PCDHGA6: variants seen among roughly 807,000 people sequenced by gnomAD.
PCDHGA6 encodes protocadherin gamma subfamily A, 6.
In PCDHGA6, 41 loss-of-function variants were observed where a neutral mutation model predicts 60.6. That is an observed-to-expected ratio of 0.68 (90% CI 0.53 to 0.88). PCDHGA6 has a LOEUF of 0.88. Ranked by LOEUF, PCDHGA6 falls within the 40% of genes least tolerant of loss-of-function variation. The pLI is 0.00. For synonymous variants in PCDHGA6, 594 were observed against 524.4 expected (o/e 1.13, Z -1.81); for missense variants, 1,312 against 1,203.0 (o/e 1.09, Z -1.34).
At chr5:141,446,132 TA>T (rs1252851903) in intron 1 of PCDHGA6, among the ~76,000 whole-genome samples, 1 of 152,204 alleles carries the variant, frequency 6.6e-6, no homozygotes, top group African/African-American at 2.4e-5. Context: ...CAATAAGACT[TA>T]ATAATGGAAT....
At chr5:141,501,366 T>G (rs1297210978) in intron 2 of PCDHGA6, among the ~76,000 whole-genome samples, 1 of 150,672 alleles carries the variant, frequency 6.6e-6, no homozygotes, top group Non-Finnish European at 1.5e-5. Flanking sequence ...ACCATATTCA[T>G]CATCTCTTAA....
At position 141,393,382 on chromosome 5, in the gene PCDHGA6, T is replaced by G. The variant is rs778957877; in HGVS notation, c.2424+16875T>G. ...GTGCAGACTGGAGACAATGGAGCCA[T>G]AAACCCAGAGCTGGTGCTGGAGCGC... On this transcript the variant is annotated intron_variant, in intron 1 of 3. Coordinates refer to ENST00000517434, the MANE Select transcript of PCDHGA6 (RefSeq NM_018919.3). The G allele has an allele frequency of 1.9e-6, 3 of 1,613,948 alleles. No individual in the cohort carries two copies. In the South Asian group the frequency reaches 3.3e-5, roughly 18 times the overall value.
intron 1 of PCDHGA6, chr5:141,378,618 ATGAC>A (rs1399279904): frequency 2.6e-5 from 4 of 152,254 alleles, no homozygotes; most frequent in African/African-American, 7.2e-5. Context: ...CTAAAAATAG[ATGAC>A]TGACTGGTGA....
chr5:141,382,652 G>A, intron 1 of PCDHGA6: 1 of 410,070 alleles, frequency 2.4e-6, no homozygotes, highest in Non-Finnish European at 4.3e-6. Flanking sequence ...AACTTAGTAA[G>A]GACTCACAGC....
In PCDHGA6 at chr5:141,477,967, C is replaced by T. The variant is rs756216038; in HGVS notation, c.2425-16840C>T. Reference sequence around the variant, plus strand: ...GTCTCTTGGGATCCCCTAACCAGAGCCTTTTTGCCATAGGGCTGCACACTG... The same window carrying T: ...GTCTCTTGGGATCCCCTAACCAGAGTCTTTTTGCCATAGGGCTGCACACTG... On this transcript the variant is annotated intron_variant, in intron 1 of 3. Coordinates refer to ENST00000517434, the MANE Select transcript of PCDHGA6 (RefSeq NM_018919.3). This position sits in a 1 kb window ranked among gnomAD's most constrained non-coding sequence, Gnocchi z 4.9. The T allele has an allele frequency of 8.7e-6, 14 of 1,614,032 alleles. No individual in the cohort carries two copies. In the South Asian group the frequency reaches 1.2e-4, roughly 14 times the overall value.
At chr5:141,454,837 G>A (rs1269424734) in intron 1 of PCDHGA6, among the ~76,000 whole-genome samples, 4 of 90,354 alleles carry the variant, frequency 4.4e-5, no homozygotes, top group East Asian at 6.5e-4. Flanking sequence ...AGACAGAGTC[G>A]CGCTCTGTCA....
At chr5:141,387,772 T>G in intron 1 of PCDHGA6, 1 of 1,442,780 alleles carries the variant, frequency 6.9e-7, no homozygotes, top group Non-Finnish European at 9.2e-7. Flanking sequence ...GAATTTTTTC[T>G]TGAACTGGAA....
intron 1 of PCDHGA6, among the ~76,000 whole-genome samples, chr5:141,461,604 T>G (rs1166575574): frequency 6.6e-6 from 1 of 152,228 alleles, no homozygotes; most frequent in Non-Finnish European, 1.5e-5. Context: ...TATAATTTAG[T>G]TCAAAGTATT....
At chr5:141,445,300 TCA>T (rs1443961962) in intron 1 of PCDHGA6, among the ~76,000 whole-genome samples, 1 of 152,202 alleles carries the variant, frequency 6.6e-6, no homozygotes, top group Non-Finnish European at 1.5e-5. Flanking sequence ...TCCATTCTCT[TCA>T]GTTTGTAGGT....
intron 1 of PCDHGA6, among the ~76,000 whole-genome samples, chr5:141,467,727 T>C (rs1562013145): frequency 6.6e-6 from 1 of 152,046 alleles, no homozygotes; most frequent in African/African-American, 2.4e-5. Flanking sequence ...AGTGGCACAA[T>C]CCCAGCTCGC....
intron 2 of PCDHGA6, among the ~76,000 whole-genome samples, chr5:141,497,487 T>TCTCTCTCTC (rs1223198472): frequency 1.3e-5 from 2 of 151,562 alleles, no homozygotes; most frequent in Non-Finnish European, 2.9e-5. Flanking sequence ...GCGGAACCTC[T>TCTCTCTCTC]CTCTCTCTCC....
Position 141,414,954 on chromosome 5 carries a change from C to T in PCDHGA6, c.2424+38447C>T, listed in dbSNP as rs759955017. ...CCGCAGAGCCCGGCTACCTGGTGAC[C>T]AAGGTGGTGGCGGTGGACAGAGACT... On this transcript the variant is annotated intron_variant, in intron 1 of 3. Coordinates refer to ENST00000517434, the MANE Select transcript of PCDHGA6 (RefSeq NM_018919.3). 10 of 1,614,058 alleles carry T rather than the reference C, an allele frequency of 6.2e-6. No individual in the cohort carries two copies. The Admixed American group carries it at 1.7e-4, about 27-fold the overall frequency.
chr5:141,456,973 A>G (rs1276476368), intron 1 of PCDHGA6, among the ~76,000 whole-genome samples: 2 of 147,412 alleles, frequency 1.4e-5, no homozygotes, highest in Admixed American at 6.7e-5. Flanking sequence ...AAAACAAAAC[A>G]AACAAACAAA....
rs1561852927 is a variant in PCDHGA6, at chr5:141,431,472, A to G, written c.2424+54965A>G. On this transcript the variant is annotated intron_variant, in intron 1 of 3. Coordinates refer to ENST00000517434, the MANE Select transcript of PCDHGA6 (RefSeq NM_018919.3). The surrounding 1 kb of genome is among the most constrained non-coding windows in gnomAD (Gnocchi z 4.8). The stretch of plus-strand genomic sequence containing the variant: ...GTGATGGTTCTGGATGCGAACGACA[A>G]CGCACCAGCGTTTGCTCAGCCCGAG... 6.2e-7 allele frequency: 1 copy of G among 1,613,784 alleles called. No individual in the cohort carries two copies. The highest frequency in any genetic ancestry group is 8.5e-7 in the Non-Finnish European group (1 of 1,179,948).
chr5:141,388,640 A>G (rs373553997), intron 1 of PCDHGA6: 3 of 1,613,844 alleles, frequency 1.9e-6, no homozygotes, highest in African/African-American at 2.7e-5. Context: ...TGAGCCTTTC[A>G]GAAAACGTGT....
chr5:141,422,576 C>G (rs778942661), intron 1 of PCDHGA6: 1 of 1,614,034 alleles, frequency 6.2e-7, no homozygotes, highest in South Asian at 1.1e-5. Context: ...AACGATAACC[C>G]TCCCGTTTTT....
intron 1 of PCDHGA6, chr5:141,387,564 A>G: frequency 4.5e-6 from 2 of 442,524 alleles, no homozygotes; most frequent in Non-Finnish European, 8.0e-6. Context: ...TAGGCACACA[A>G]TTATAATTAT....
chr5:141,376,550 C>T (rs1772814272), intron 1 of PCDHGA6, 43 bp downstream of exon 1: 2 of 1,611,946 alleles, frequency 1.2e-6, no homozygotes, highest in African/African-American at 1.3e-5. Context: ...ATCTGATCTT[C>T]CCGCAACCCA....
At position 141,376,144 on chromosome 5, in the gene PCDHGA6, G is replaced by C; in HGVS notation, c.2061G>C (p.Ser687=). Residue 687 remains serine, a synonymous_variant, in exon 1 of 4, where the codon TCG becomes TCC. Transcript: ENST00000517434. ...AGCCCTCCGCCAAACCCAACGATTC[G>C]GACCTCACTCTGTACCTGGTGGTGG... ...SLEPSAKPND[S]DLTLYLVVAV... 6.2e-7 allele frequency: 1 copy of C among 1,613,918 alleles called. No individual in the cohort carries two copies. The highest frequency in any genetic ancestry group is 8.5e-7 in the Non-Finnish European group (1 of 1,179,978).
Sources: allele counts gnomAD v4.1 joint callset (sites outside exome capture counted in the v4.1 genomes callset), GRCh38; gene constraint gnomAD v4.1.1; non-coding constraint Gnocchi (gnomAD v3.1); transcripts MANE v1.5; gene names NCBI Gene and HGNC (gene_info 2026-07-23, HGNC 2026-07-21).